Variants in ASIC2 observed in about 807,000 individuals in gnomAD.
ASIC2 encodes the protein acid-sensing ion channel 2.
A neutral mutation model predicts 57.3 loss-of-function variants in ASIC2; 25 were observed. That is an observed-to-expected ratio of 0.44 (90% CI 0.32 to 0.61). The LOEUF (loss-of-function observed/expected upper bound fraction) is 0.61. Among genes scored for constraint, ASIC2 ranks in the 20% least tolerant of loss-of-function variants. ASIC2 has a pLI of 0.06. For missense variants in ASIC2, 641 were observed against 738.1 expected, an observed-to-expected ratio of 0.87 and a Z score of 1.52; for synonymous variants, 319 against 307.5, an observed-to-expected ratio of 1.04 and a Z score of -0.39.
intron 1 of ASIC2, among the ~76,000 whole-genome samples, chr17:34,108,124 A>C (rs375550135): frequency 6.6e-6 from 1 of 152,056 alleles, no homozygotes. Context: ...ATTTTGTATC[A>C]GTTCACAAGG....
chr17:33,288,560 C>T (rs566857351), intron 1 of ASIC2, among the ~76,000 whole-genome samples: 110 of 152,192 alleles, frequency 7.2e-4, no homozygotes, highest in African/African-American at 2.5e-3. Context: ...GTGCTTTGAG[C>T]AGTGCTTTAG....
rs1412311271 is a variant in ASIC2 at position 33,464,514 on chromosome 17, TTC to T, written c.556-352449_556-352448del. Among the ~76,000 whole-genome samples the T allele has an allele frequency of 5.1e-4, 20 of 38,934 alleles. 1 individual carries two copies. Among genetic ancestry groups the T allele is most frequent in the South Asian group, 2.9e-3 (3 of 1,020 alleles). 25.5% of individuals were successfully genotyped at this position (38,934 alleles called of 152,430 possible). A position where few individuals can be genotyped will look rare whatever the true frequency, so the allele number is the denominator to read the frequency against. ...TTTCTTTCTTTCTTTCTTTCTTTCT[TTC>T]TTTCTTTCTTTCTTTCTTTCTTTCT... On this transcript the variant is annotated intron_variant, in intron 1 of 9. Transcript: ENST00000359872.
chr17:34,093,302 C>T (rs950258594), intron 1 of ASIC2, among the ~76,000 whole-genome samples: 1 of 152,180 alleles, frequency 6.6e-6, no homozygotes, highest in Non-Finnish European at 1.5e-5. Context: ...GCTTAGACTC[C>T]TGTGGTCTAA....
intron 1 of ASIC2, among the ~76,000 whole-genome samples, chr17:33,480,469 G>C (rs1311418091): frequency 6.6e-6 from 1 of 152,278 alleles, no homozygotes; most frequent in South Asian, 2.1e-4. Context: ...CTGGAGAAAG[G>C]AGCCTTCATA....
chr17:33,463,818 T>C (rs1169435770), intron 1 of ASIC2, among the ~76,000 whole-genome samples: 1 of 152,222 alleles, frequency 6.6e-6, no homozygotes, highest in East Asian at 1.9e-4. Context: ...GCTCATACTG[T>C]ACTGTTTTAT....
rs116835311 is a variant in ASIC2 at position 33,941,404 on chromosome 17, A to C, written c.555+214574T>G. On this transcript the variant is annotated intron_variant, in intron 1 of 9. Transcript: ENST00000359872. ...ACTGCAAGGGAGGCAGCCGTACTGCACTACCAGGGGCTTCCCCAGGGCTGA... is the reference window on the plus strand; with the variant it reads ...ACTGCAAGGGAGGCAGCCGTACTGCCCTACCAGGGGCTTCCCCAGGGCTGA... 7.2e-3 allele frequency among the ~76,000 whole-genome samples: 1,097 copies of C among 152,336 alleles called. 19 individuals are homozygous for C. Among genetic ancestry groups the C allele is most frequent in the African/African-American group, 0.025 (1,026 of 41,580 alleles).
chr17:34,034,465 CCT>C (rs1289912739), intron 1 of ASIC2, among the ~76,000 whole-genome samples: 2 of 152,102 alleles, frequency 1.3e-5, no homozygotes, highest in Non-Finnish European at 2.9e-5. Context: ...ACAGGGATGC[CCT>C]CTCTCACCAT....
chr17:33,962,536 T>C (rs1210248881), intron 1 of ASIC2, among the ~76,000 whole-genome samples: 1 of 152,150 alleles, frequency 6.6e-6, no homozygotes, highest in Non-Finnish European at 1.5e-5. Context: ...ACATTTTCCA[T>C]GGTGTGTAGA....
Position 33,365,634 on chromosome 17 carries a change from C to T in ASIC2, c.556-253567G>A, listed in dbSNP as rs533225494. ...GTTCCTTGGCTTGAGTGTCAGAAGA[C>T]CCTTAAACAAGTCTTTATTCCTGGG... On this transcript the variant is annotated intron_variant, in intron 1 of 9. Transcript: ENST00000359872. Among the ~76,000 whole-genome samples the T allele has an allele frequency of 1.1e-4, 16 of 152,240 alleles. No individual in the cohort carries two copies. In the South Asian group the frequency reaches 3.3e-3, roughly 32 times the overall value.
At chr17:33,338,512 C>T (rs982281046) in intron 1 of ASIC2, among the ~76,000 whole-genome samples, 60 of 152,200 alleles carry the variant, frequency 3.9e-4, no homozygotes, top group African/African-American at 1.3e-3. Flanking sequence ...GATGGAGCAG[C>T]ATGCAAATCA....
At chr17:33,326,420 T>C (rs1166781821) in intron 1 of ASIC2, among the ~76,000 whole-genome samples, 1 of 152,230 alleles carries the variant, frequency 6.6e-6, no homozygotes, top group Non-Finnish European at 1.5e-5. Context: ...AATGCTTGAC[T>C]GGCTAATGAC....
At chr17:33,772,052 C>T (rs1487564614) in intron 1 of ASIC2, among the ~76,000 whole-genome samples, 1 of 152,160 alleles carries the variant, frequency 6.6e-6, no homozygotes, top group Admixed American at 6.5e-5. Context: ...TCCCATTTTC[C>T]CCTGAGGCCA....
intron 1 of ASIC2, among the ~76,000 whole-genome samples, chr17:33,720,698 A>T (rs1344754965): frequency 6.6e-6 from 1 of 152,208 alleles, no homozygotes; most frequent in Non-Finnish European, 1.5e-5. Flanking sequence ...CTCATTTGGG[A>T]TAACTTAGGT....
At chr17:34,072,709 T>C (rs547598260) in intron 1 of ASIC2, among the ~76,000 whole-genome samples, 5 of 152,230 alleles carry the variant, frequency 3.3e-5, no homozygotes, top group Non-Finnish European at 7.3e-5. Context: ...ATAAAAACCA[T>C]TGCAAAAATC....
chr17:33,528,078 G>A (rs753201563), intron 1 of ASIC2, among the ~76,000 whole-genome samples: 7 of 151,926 alleles, frequency 4.6e-5, no homozygotes, highest in Non-Finnish European at 2.9e-5. Flanking sequence ...GTGAGAAGGT[G>A]TCAGGGCCAG....
intron 1 of ASIC2, among the ~76,000 whole-genome samples, chr17:33,385,823 A>G (rs1909654999): frequency 6.6e-6 from 1 of 152,208 alleles, no homozygotes; most frequent in South Asian, 2.1e-4. Context: ...TGGAATGGGC[A>G]GAGGAATCCC....
At chr17:33,961,356 T>C (rs917894979) in intron 1 of ASIC2, among the ~76,000 whole-genome samples, 3 of 152,194 alleles carry the variant, frequency 2.0e-5, no homozygotes, top group Non-Finnish European at 4.4e-5. Flanking sequence ...GGGCAGAAGA[T>C]AGGCCCTTAA....
At chr17:34,021,881 G>A (rs1414256988) in intron 1 of ASIC2, among the ~76,000 whole-genome samples, 7 of 129,494 alleles carry the variant, frequency 5.4e-5, no homozygotes, top group South Asian at 2.7e-4. Context: ...TCTGTCACCC[G>A]GGCTGGAGTG....
chr17:33,411,216 C>A (rs1431258482), intron 1 of ASIC2, among the ~76,000 whole-genome samples: 1 of 152,176 alleles, frequency 6.6e-6, no homozygotes, highest in Non-Finnish European at 1.5e-5. Flanking sequence ...GTCTTCCTGG[C>A]AGCCCTCCTC....
Sources: allele counts gnomAD v4.1 joint callset (sites outside exome capture counted in the v4.1 genomes callset), GRCh38; gene constraint gnomAD v4.1.1; transcripts MANE v1.5; gene names NCBI Gene and HGNC (gene_info 2026-07-23, HGNC 2026-07-21).